MROH1: variants seen among roughly 807,000 people sequenced by gnomAD.
MROH1 encodes the protein maestro heat-like repeat-containing protein family member 1.
Under a neutral mutation model 116.5 loss-of-function variants are expected in MROH1, and 117 were observed. That is an observed-to-expected ratio of 1.00 (90% CI 0.86 to 1.17). The LOEUF (loss-of-function observed/expected upper bound fraction) is 1.17, where lower values mean the gene tolerates loss of function less well. Among genes scored for constraint, MROH1 ranks in the 50% most tolerant of loss-of-function variants. The pLI is 0.00. For missense variants in MROH1, 1,873 were observed against 1,338.5 expected, an observed-to-expected ratio of 1.40 and a Z score of -6.23; for synonymous variants, 921 against 583.9, an observed-to-expected ratio of 1.58 and a Z score of -8.32.
chr8:144,188,055 G>A (rs185344850), intron 7 of MROH1, among the ~76,000 whole-genome samples: 10 of 152,204 alleles, frequency 6.6e-5, no homozygotes, highest in Non-Finnish European at 1.3e-4. Context: ...GGCGAGCCTC[G>A]CAGGACTGTC....
chr8:144,199,273 G>C (rs1830574197), intron 11 of MROH1, 73 bp downstream of exon 11: 4 of 1,466,510 alleles, frequency 2.7e-6, no homozygotes, highest in Non-Finnish European at 2.8e-6. Context: ...TGTATGTGGA[G>C]GATGGTGGTG....
At chr8:144,218,681 C>CCCTCCCATCTCT (rs1835854420) in intron 12 of MROH1, among the ~76,000 whole-genome samples, 1 of 52,188 alleles carries the variant, frequency 1.9e-5, no homozygotes, top group South Asian at 8.4e-4. Flanking sequence ...GTCCCCTCTC[C>CCCTCCCATCTCT]CCTCCCCTCT....
At chr8:144,258,940 T>C in intron 36 of MROH1, 26 bp downstream of exon 36, 1 of 716,376 alleles carries the variant, frequency 1.4e-6, no homozygotes, top group Non-Finnish European at 2.6e-6. Flanking sequence ...CCACTGCAGC[T>C]CCAGCACTGG....
chr8:144,255,688 G>A lies in MROH1; in HGVS notation c.3774G>A (p.Arg1258=). The A allele has an allele frequency of 2.6e-6, 2 of 760,192 alleles. No homozygotes were observed. Among genetic ancestry groups the A allele is most frequent in the Non-Finnish European group, 2.4e-6 (1 of 408,842 alleles). The allele number at this position is 760,192 out of a possible 1,614,324, so 47.1% of individuals were successfully genotyped here. Residue 1258 remains arginine, a synonymous_variant, in exon 35 of 44, where the codon AGG becomes AGA. Coordinates refer to ENST00000326134, the MANE Select transcript of MROH1 (RefSeq NM_032450.3). ...GTGCCAGTCCAGCCCTAGCCACCAG[G>A]AACCTGGAACCCTGCAGGTATCTGG... ...RRGASPALAT[R]NLEPCSSAVD...
intron 7 of MROH1, among the ~76,000 whole-genome samples, chr8:144,187,149 G>T (rs146499258): frequency 6.6e-6 from 1 of 151,830 alleles, no homozygotes. Context: ...GGTGGCCTAC[G>T]CCTGTAATCC....
intron 12 of MROH1, among the ~76,000 whole-genome samples, chr8:144,207,590 C>A (rs1035512170): frequency 6.6e-6 from 1 of 152,150 alleles, no homozygotes; most frequent in Non-Finnish European, 1.5e-5. Flanking sequence ...ACCACATCCT[C>A]GGCCTCCTGG....
In MROH1 at chr8:144,180,724, C is replaced by G. The variant is rs374462140; in HGVS notation, c.562+201C>G. Among the ~76,000 whole-genome samples the G allele has an allele frequency of 6.8e-4, 104 of 152,270 alleles. No homozygotes were observed. The highest frequency in any genetic ancestry group is 2.3e-3 in the African/African-American group (96 of 41,564). On this transcript the variant is annotated intron_variant, in intron 7 of 43. Transcript: ENST00000326134. This position sits in a 1 kb window ranked among gnomAD's most constrained non-coding sequence, Gnocchi z 7.4. Reference sequence around the variant, plus strand: ...GACACAGCCTCTGTCTCTTGTTTCTCTCTACTCCTGGAGAGCCCCCCACCT... The same window carrying G: ...GACACAGCCTCTGTCTCTTGTTTCTGTCTACTCCTGGAGAGCCCCCCACCT...
At chr8:144,210,166 C>T (rs1236315702) in intron 12 of MROH1, among the ~76,000 whole-genome samples, 2 of 152,112 alleles carry the variant, frequency 1.3e-5, no homozygotes, top group Non-Finnish European at 2.9e-5. Context: ...TGGCCGGGTG[C>T]GGTGGCTCAC....
Position 144,255,554 on chromosome 8 carries a change from C to T in MROH1, c.3640C>T (p.Pro1214Ser). 5.1e-6 allele frequency: 4 copies of T among 779,352 alleles called. No homozygotes were observed. The highest frequency in any genetic ancestry group is 1.3e-5 in the South Asian group (1 of 74,572). 48.3% of individuals were successfully genotyped at this position (779,352 alleles called of 1,614,324 possible). The change falls in exon 35 of 44, where the codon CCC becomes TCC. Residue 1214 changes from proline (P) to serine (S), a missense_variant. Coordinates refer to ENST00000326134, the MANE Select transcript of MROH1 (RefSeq NM_032450.3). ...GGTCATGTCCACGCCTGCAGCGGGG[C>T]CCGCGGTGCTCGAGCTCTACCCCCA... ...FEVMSTPAAG[P>S]AVLELYPQLF...
rs79749774 is a variant in MROH1, at chr8:144,197,417, CTTTTTTTTTTTTTTTTTT to C, written c.949-1686_949-1669del. Among the ~76,000 whole-genome samples the C allele has an allele frequency of 9.0e-3, 383 of 42,492 alleles. 6 individuals carry two copies. The highest frequency in any genetic ancestry group is 0.042 in the Middle Eastern group (2 of 48). The allele number at this position is 42,492 out of a possible 152,430, so 27.9% of individuals were successfully genotyped here. ...AAGAGTGGGCAGGAAGCTGCAGCAT[CTTTTTTTTTTTTTTTTTT>C]TTTTTTTTTTTTTTTTTTGAGACGG... is the stretch of plus-strand genomic sequence containing the variant. On this transcript the variant is annotated intron_variant, in intron 10 of 43. Coordinates refer to ENST00000326134, the MANE Select transcript of MROH1 (RefSeq NM_032450.3).
intron 10 of MROH1, among the ~76,000 whole-genome samples, chr8:144,194,856 C>T (rs1477417248): frequency 6.6e-6 from 1 of 150,544 alleles, no homozygotes. Flanking sequence ...TGCAGTGAGC[C>T]ATGATCATGC....
At chr8:144,240,856 A>C in intron 20 of MROH1, 136 bp from the exon 21 acceptor site, 1 of 688,878 alleles carries the variant, frequency 1.5e-6, no homozygotes, top group Non-Finnish European at 2.7e-6. Context: ...TATTCCTCAG[A>C]TGTTGCCCCA....
chr8:144,171,900 C>T (rs936162909), intron 4 of MROH1, among the ~76,000 whole-genome samples: 6 of 152,308 alleles, frequency 3.9e-5, no homozygotes, highest in Middle Eastern at 3.4e-3. Context: ...GGAAAACTAC[C>T]TTCCAGGCTA....
chr8:144,180,133 T>C lies in MROH1; in HGVS notation c.301-45T>C. On this transcript the variant is annotated intron_variant, in intron 5 of 43. Transcript: ENST00000326134. This position sits in a 1 kb window ranked among gnomAD's most constrained non-coding sequence, Gnocchi z 7.4. Reference sequence around the variant, plus strand: ...GCTGGCAGCGACTGAGGGCAGAATGTCTTGGTCTTGCCTTTTGGTCTACCT... The same window carrying C: ...GCTGGCAGCGACTGAGGGCAGAATGCCTTGGTCTTGCCTTTTGGTCTACCT... 1 of 1,610,042 alleles carries C rather than the reference T, an allele frequency of 6.2e-7. No homozygotes were observed. Among genetic ancestry groups the C allele is most frequent in the Non-Finnish European group, 8.5e-7 (1 of 1,177,118 alleles).
In MROH1 at chr8:144,180,049, G is replaced by C; in HGVS notation, c.301-129G>C. ...CCCCTCAGCAGAGGAGGCTGTGCCC[G>C]CCACCTTCCCTGACCTGCACTTTCT... On this transcript the variant is annotated intron_variant, in intron 5 of 43. Coordinates refer to ENST00000326134, the MANE Select transcript of MROH1 (RefSeq NM_032450.3). This position sits in a 1 kb window ranked among gnomAD's most constrained non-coding sequence, Gnocchi z 7.4. 1 of 1,191,510 alleles carries C rather than the reference G, an allele frequency of 8.4e-7. No homozygotes were observed. The highest frequency in any genetic ancestry group is 1.2e-6 in the Non-Finnish European group (1 of 832,820). 73.8% of individuals were successfully genotyped at this position (1,191,510 alleles called of 1,614,324 possible).
Position 144,260,718 on chromosome 8 carries a change from G to C in MROH1, c.4422G>C (p.Gly1474=). The C allele has an allele frequency of 1.3e-6, 1 of 779,596 alleles. No homozygotes were observed. Among genetic ancestry groups the C allele is most frequent in the Non-Finnish European group, 2.4e-6 (1 of 417,788 alleles). The allele number at this position is 779,596 out of a possible 1,614,324, so 48.3% of individuals were successfully genotyped here. Residue 1474 remains glycine (G), a synonymous_variant, in exon 40 of 44, where the codon GGG becomes GGC. Coordinates refer to ENST00000326134, the MANE Select transcript of MROH1 (RefSeq NM_032450.3). The part of the protein sequence containing the change: ...EFRTASIRLF[G]HLNKVCHGDC... ...GGACGGCATCTATCCGCCTCTTTGG[G>C]CACCTTAACAAGGTCTGCCACGGAG...
At position 144,182,936 on chromosome 8, in the gene MROH1, G is replaced by A. The variant is rs1342757001; in HGVS notation, c.562+2413G>A. On this transcript the variant is annotated intron_variant, in intron 7 of 43. Transcript: ENST00000326134. The surrounding 1 kb of genome is among the most constrained non-coding windows in gnomAD (Gnocchi z 4.1). ...TACTAAAAATACAAAAAAATTAGCC[G>A]GGTGTGGTGGCGCATGTCTGTAATC... is the stretch of plus-strand genomic sequence containing the variant. 6.6e-6 allele frequency among the ~76,000 whole-genome samples: 1 copy of A among 152,162 alleles called. No homozygotes were observed. The highest frequency in any genetic ancestry group is 1.9e-4 in the East Asian group (1 of 5,178).
chr8:144,223,173 A>G lies in MROH1; in HGVS notation c.1281A>G (p.Gly427=), dbSNP rs780817457. Residue 427 remains glycine, a synonymous_variant, in exon 14 of 44, where the codon GGA becomes GGG. Coordinates refer to ENST00000326134, the MANE Select transcript of MROH1 (RefSeq NM_032450.3). ...ACCACGGCTACCTGGAGCAGCCTGG[A>G]GGTGAGGCGATGATCGAGTACATCG... ...MAHHGYLEQP[G]GEAMIEYIVQ... 66 of 1,612,248 alleles carry G rather than the reference A, an allele frequency of 4.1e-5. No individual in the cohort carries two copies. The South Asian group carries it at 7.2e-4, about 17-fold the overall frequency.
chr8:144,180,655 C>T lies in MROH1; in HGVS notation c.562+132C>T. On this transcript the variant is annotated intron_variant, in intron 7 of 43. Coordinates refer to ENST00000326134, the MANE Select transcript of MROH1 (RefSeq NM_032450.3). The surrounding 1 kb of genome is among the most constrained non-coding windows in gnomAD (Gnocchi z 7.4). ...AGGGGGGCTGTTGGAGGGAGGGGCC[C>T]CCTGGCTGAGGCTGCTGGCTGGTTG... 3 of 849,764 alleles carry T rather than the reference C, an allele frequency of 3.5e-6. No homozygotes were observed. In the East Asian group the frequency reaches 8.1e-5, roughly 23 times the overall value. 52.6% of individuals were successfully genotyped at this position (849,764 alleles called of 1,614,324 possible). A position where few individuals can be genotyped will look rare whatever the true frequency, so the allele number is the denominator to read the frequency against.
Sources: allele counts gnomAD v4.1 joint callset (sites outside exome capture counted in the v4.1 genomes callset), GRCh38; gene constraint gnomAD v4.1.1; non-coding constraint Gnocchi (gnomAD v3.1); transcripts MANE v1.5; gene names NCBI Gene and HGNC (gene_info 2026-07-23, HGNC 2026-07-21).